The following PRELID2 variants were observed in gnomAD, a reference collection of about 807,000 sequenced individuals.
The protein encoded by PRELID2 is PRELI domain-containing protein 2.
PRELID2 carries 25 observed loss-of-function variants against 28.4 expected under a neutral mutation model. The observed-to-expected ratio is 0.88, with a 90% CI of 0.64 to 1.23. The LOEUF (loss-of-function observed/expected upper bound fraction) is 1.23, where lower values mean the gene tolerates loss of function less well. Ranked by LOEUF, PRELID2 falls within the 50% of genes most tolerant of loss-of-function variation. PRELID2 has a pLI of 0.00. For synonymous variants in PRELID2, 76 were observed against 71.6 expected, an observed-to-expected ratio of 1.06 and a Z score of -0.31; for missense variants, 201 against 214.4, an observed-to-expected ratio of 0.94 and a Z score of 0.39.
intron 1 of PRELID2, among the ~76,000 whole-genome samples, chr5:145,731,192 G>C (rs1226749339): frequency 6.6e-6 from 1 of 152,196 alleles, no homozygotes; most frequent in Admixed American, 6.5e-5. Context: ...TTTCACAGGG[G>C]AAATTATCTG....
At chr5:145,654,223 C>T (rs1331598458) in intron 1 of PRELID2, among the ~76,000 whole-genome samples, 2 of 152,174 alleles carry the variant, frequency 1.3e-5, no homozygotes, top group East Asian at 1.9e-4. Context: ...CCTGAATAGA[C>T]CAATAACAGG....
At chr5:145,533,073 C>A (rs1752667969) in intron 1 of PRELID2, among the ~76,000 whole-genome samples, 2 of 152,022 alleles carry the variant, frequency 1.3e-5, no homozygotes. Context: ...GTTAGAATGG[C>A]TCTTAGAATG....
At chr5:145,293,300 C>T in the PRELID2 span, among the ~76,000 whole-genome samples, 1 of 152,228 alleles carries the variant, frequency 6.6e-6, no homozygotes, top group African/African-American at 2.4e-5. Context: ...ATTAGAAGAA[C>T]AAACAAATTA....
downstream of PRELID2, among the ~76,000 whole-genome samples, chr5:145,467,995 C>A (rs183491219): frequency 1.4e-3 from 220 of 151,870 alleles, no homozygotes; most frequent in African/African-American, 5.3e-3. Flanking sequence ...TATACATGTG[C>A]CATGTTGGTG....
At chr5:145,248,835 C>A in the PRELID2 span, among the ~76,000 whole-genome samples, 1 of 152,060 alleles carries the variant, frequency 6.6e-6, no homozygotes, top group Non-Finnish European at 1.5e-5. Flanking sequence ...TGCACTCTGG[C>A]ATTGTCTCCT....
intron 4 of PRELID2, among the ~76,000 whole-genome samples, chr5:145,815,552 G>T (rs1422829542): frequency 2.0e-5 from 3 of 152,088 alleles, no homozygotes; most frequent in African/African-American, 7.2e-5. Context: ...GTACCAACTG[G>T]CAGTCACTCA....
intron 1 of PRELID2, among the ~76,000 whole-genome samples, chr5:145,488,910 T>C (rs1752244891): frequency 6.6e-6 from 1 of 152,160 alleles, no homozygotes; most frequent in Non-Finnish European, 1.5e-5. Flanking sequence ...TGAGTGTCCA[T>C]TTACCATTTC....
intron 1 of PRELID2, among the ~76,000 whole-genome samples, chr5:145,691,423 C>T (rs772187753): frequency 1.4e-4 from 21 of 152,048 alleles, no homozygotes; most frequent in Non-Finnish European, 2.8e-4. Flanking sequence ...ATCTAAGACT[C>T]GGCCGGGCGT....
chr5:145,621,373 C>G (rs1405855062), intron 1 of PRELID2, among the ~76,000 whole-genome samples: 1 of 152,136 alleles, frequency 6.6e-6, no homozygotes, highest in African/African-American at 2.4e-5. Context: ...AAAAGAGTTA[C>G]CATGTGCCCT....
the PRELID2 span, among the ~76,000 whole-genome samples, chr5:145,406,699 G>C: frequency 9.9e-5 from 15 of 152,162 alleles, no homozygotes; most frequent in African/African-American, 3.1e-4. Flanking sequence ...CAGATCCTTT[G>C]AAAGAAGTGG....
At chr5:145,779,925 A>G (rs1758679034) in intron 5 of PRELID2, among the ~76,000 whole-genome samples, 1 of 152,200 alleles carries the variant, frequency 6.6e-6, no homozygotes, top group Admixed American at 6.5e-5. Flanking sequence ...ACTATCTTGC[A>G]TTTTACTTTT....
intron 1 of PRELID2, chr5:145,728,776 T>C (rs540704025): frequency 6.5e-6 from 8 of 1,233,550 alleles, no homozygotes; most frequent in African/African-American, 4.4e-5. Context: ...TTTGCACCAA[T>C]GTAGTAGGAG....
chr5:145,530,641 TG>T (rs1187460632), intron 1 of PRELID2, among the ~76,000 whole-genome samples: 1 of 151,938 alleles, frequency 6.6e-6, no homozygotes, highest in Non-Finnish European at 1.5e-5. Flanking sequence ...CGGTTGGCAA[TG>T]GTACCAAACA....
At chr5:145,555,260 C>G (rs1752871201) in intron 1 of PRELID2, among the ~76,000 whole-genome samples, 4 of 152,018 alleles carry the variant, frequency 2.6e-5, no homozygotes, top group Admixed American at 2.6e-4. Context: ...TCCTGAGGTC[C>G]CTTTTAGATC....
At chr5:145,280,901 C>T in the PRELID2 span, among the ~76,000 whole-genome samples, 1 of 151,748 alleles carries the variant, frequency 6.6e-6, no homozygotes, top group East Asian at 1.9e-4. Flanking sequence ...CAACCCAAAA[C>T]TGGCTTGTGA....
the PRELID2 span, among the ~76,000 whole-genome samples, chr5:145,376,649 A>G: frequency 6.6e-6 from 1 of 152,000 alleles, no homozygotes; most frequent in Non-Finnish European, 1.5e-5. Flanking sequence ...CAATTTATCC[A>G]TTTCTTCTAG....
At chr5:145,258,813 G>A in the PRELID2 span, among the ~76,000 whole-genome samples, 1 of 152,164 alleles carries the variant, frequency 6.6e-6, no homozygotes, top group Non-Finnish European at 1.5e-5. Context: ...GTAAAAAGGA[G>A]CTAAGAGCCA....
intron 1 of PRELID2, among the ~76,000 whole-genome samples, chr5:145,580,977 C>T (rs1753102636): frequency 6.6e-6 from 1 of 152,044 alleles, no homozygotes; most frequent in Non-Finnish European, 1.5e-5. Context: ...ACAAAGCCTT[C>T]TATAATCTGC....
At chr5:145,626,353 T>G (rs2149655253) in intron 1 of PRELID2, among the ~76,000 whole-genome samples, 1 of 152,118 alleles carries the variant, frequency 6.6e-6, no homozygotes, top group African/African-American at 2.4e-5. Context: ...AATAATCCTA[T>G]TTAAAAGTGG....
Sources: gnomAD v4.1 joint callset for allele counts (sites outside exome capture counted in the v4.1 genomes callset) on GRCh38, gnomAD v4.1.1 for gene constraint, MANE v1.5 for transcripts, NCBI Gene and HGNC (gene_info 2026-07-23, HGNC 2026-07-21) for gene names.